The following ESRRG variants were observed in gnomAD, a reference collection of about 807,000 sequenced individuals.
ESRRG encodes the protein estrogen related receptor gamma.
Under a neutral mutation model 44.0 loss-of-function variants are expected in ESRRG, and 13 were observed. That is an observed-to-expected ratio of 0.30 (90% CI 0.19 to 0.47). The LOEUF (loss-of-function observed/expected upper bound fraction) is 0.47, where lower values mean the gene tolerates loss of function less well. Among genes scored for constraint, ESRRG ranks in the 20% least tolerant of loss-of-function variants. The probability of loss-of-function intolerance (pLI) is 1.00; values close to 1 mark genes in which losing one functional copy is unlikely to be tolerated. For missense variants in ESRRG, 395 were observed against 580.6 expected (o/e 0.68, Z 3.29); for synonymous variants, 215 against 214.6 (o/e 1.00, Z -0.02).
intron 2 of ESRRG, among the ~76,000 whole-genome samples, chr1:216,901,135 G>A (rs1467391191): frequency 6.6e-6 from 1 of 152,020 alleles, no homozygotes; most frequent in Admixed American, 6.6e-5. Context: ...TGGGCTGGGA[G>A]AGCCAAAAAC....
chr1:216,702,904 C>A (rs191515705), intron 1 of ESRRG, among the ~76,000 whole-genome samples: 1 of 151,512 alleles, frequency 6.6e-6, no homozygotes, highest in Non-Finnish European at 1.5e-5. Flanking sequence ...AATTCTAATA[C>A]CCTAACAGCA....
chr1:216,951,380 T>C (rs1289714195), intron 1 of ESRRG, among the ~76,000 whole-genome samples: 1 of 152,144 alleles, frequency 6.6e-6, no homozygotes, highest in Non-Finnish European at 1.5e-5. Context: ...ACTGCCAAAA[T>C]GGGCTTTATG....
chr1:216,900,071 C>A lies in ESRRG; in HGVS notation c.-14+39511G>T, dbSNP rs576472258. Among the ~76,000 whole-genome samples the A allele has an allele frequency of 7.2e-5, 11 of 152,296 alleles. No homozygotes were observed. The South Asian group carries it at 2.1e-3, about 29-fold the overall frequency. ...CAGTTTTGTCGTCTCTATATGCTAT[C>A]CAAAGCTGCTTAAGAAATCCAAATT... On this transcript the variant is annotated intron_variant, in intron 2 of 7. Transcript: ENST00000359162.
intron 1 of ESRRG, among the ~76,000 whole-genome samples, chr1:216,952,257 AG>A (rs2067096011): frequency 6.6e-6 from 1 of 152,156 alleles, no homozygotes; most frequent in Non-Finnish European, 1.5e-5. Context: ...TCTTCAGGAA[AG>A]GGTGATTTGT....
At chr1:217,052,421 A>G (rs1444405184) in intron 1 of ESRRG, among the ~76,000 whole-genome samples, 1 of 152,190 alleles carries the variant, frequency 6.6e-6, no homozygotes, top group Non-Finnish European at 1.5e-5. Flanking sequence ...ATCAACATCA[A>G]AAGAATCTCC....
rs542568126 is a variant in ESRRG at position 216,592,752 on chromosome 1, G to A, written c.590-24654C>T. ...TGACCTCAGGTGATCTGTCCACCTCGGCCTCCCAAAGTGCTGGAATTACAG... is the reference window on the plus strand; with the variant it reads ...TGACCTCAGGTGATCTGTCCACCTCAGCCTCCCAAAGTGCTGGAATTACAG... On this transcript the variant is annotated intron_variant, in intron 3 of 6. Transcript: ENST00000408911. Among the ~76,000 whole-genome samples, 5 of 152,126 alleles carry A rather than the reference G, an allele frequency of 3.3e-5. No individual in the cohort carries two copies. The East Asian group carries it at 5.8e-4, about 18-fold the overall frequency.
intron 2 of ESRRG, among the ~76,000 whole-genome samples, chr1:216,803,766 T>C (rs1444784610): frequency 6.6e-6 from 1 of 151,918 alleles, no homozygotes; most frequent in African/African-American, 2.4e-5. Flanking sequence ...CTACTTTATG[T>C]CTTTTTTTTA....
intron 2 of ESRRG, among the ~76,000 whole-genome samples, chr1:216,833,218 C>A (rs2095513718): frequency 7.1e-6 from 1 of 141,738 alleles, no homozygotes; most frequent in Admixed American, 6.8e-5. Flanking sequence ...TGCATATTTT[C>A]TAAAAAAAAA....
chr1:216,977,522 C>T (rs554765233), intron 1 of ESRRG, among the ~76,000 whole-genome samples: 2 of 152,176 alleles, frequency 1.3e-5, no homozygotes, highest in East Asian at 3.9e-4. Context: ...GAAGCTGTAA[C>T]CCTTACTGAA....
At position 216,925,684 on chromosome 1, in the gene ESRRG, C is replaced by T. The variant is rs564503693; in HGVS notation, c.-14+13898G>A. On this transcript the variant is annotated intron_variant, in intron 2 of 7. Transcript: ENST00000359162. The stretch of plus-strand genomic sequence containing the variant: ...GGGTCTGCTCGGCTGGGTGTGGTGG[C>T]TCACTCCTGTAATTCCAGCACTTTG... Among the ~76,000 whole-genome samples the T allele has an allele frequency of 9.2e-5, 14 of 151,888 alleles. No individual in the cohort carries two copies. The East Asian group carries it at 2.5e-3, about 28-fold the overall frequency.
intron 5 of ESRRG, among the ~76,000 whole-genome samples, chr1:216,523,514 T>C (rs1321048119): frequency 1.3e-5 from 2 of 151,634 alleles, no homozygotes; most frequent in African/African-American, 4.8e-5. Flanking sequence ...TTTTTTTTTT[T>C]TTTAGCCTGG....
chr1:216,519,131 T>C, intron 6 of ESRRG, 21 bp downstream of exon 6: 1 of 1,603,964 alleles, frequency 6.2e-7, no homozygotes, highest in South Asian at 1.1e-5. Flanking sequence ...AATGTAACAA[T>C]GACTATGTCA....
At chr1:216,931,153 G>A (rs1560156172) in intron 2 of ESRRG, among the ~76,000 whole-genome samples, 1 of 152,102 alleles carries the variant, frequency 6.6e-6, no homozygotes. Flanking sequence ...TCTAGGAGAA[G>A]GTACATGGAT....
At chr1:216,996,456 TAAC>T (rs1357668598) in intron 1 of ESRRG, among the ~76,000 whole-genome samples, 1 of 151,222 alleles carries the variant, frequency 6.6e-6, no homozygotes, top group Non-Finnish European at 1.5e-5. Flanking sequence ...AAGTGAAAAA[TAAC>T]AGGCAAAAAG....
intron 2 of ESRRG, among the ~76,000 whole-genome samples, chr1:216,830,544 GT>G (rs2095471539): frequency 6.6e-6 from 1 of 152,152 alleles, no homozygotes; most frequent in African/African-American, 2.4e-5. Flanking sequence ...CTTCTAGGAA[GT>G]CTTGTTTATA....
At chr1:216,550,175 A>T (rs1351357879) in intron 5 of ESRRG, among the ~76,000 whole-genome samples, 1 of 152,160 alleles carries the variant, frequency 6.6e-6, no homozygotes, top group Non-Finnish European at 1.5e-5. Context: ...AATGAACTGA[A>T]ATAGTGTTTG....
intron 1 of ESRRG, among the ~76,000 whole-genome samples, chr1:216,717,519 A>AT (rs1260606909): frequency 1.3e-5 from 2 of 151,980 alleles, no homozygotes; most frequent in Non-Finnish European, 3.0e-5. Flanking sequence ...GGTTAGCAGA[A>AT]TTTTTTTAAA....
In ESRRG at chr1:216,779,509, T is replaced by A. The variant is rs1010086583; in HGVS notation, c.-13-102018A>T. Among the ~76,000 whole-genome samples, 46 of 67,102 alleles carry A rather than the reference T, an allele frequency of 6.9e-4. 4 individuals are homozygous for A. The highest frequency in any genetic ancestry group is 9.3e-3 in the Middle Eastern group (1 of 108). 44.0% of individuals were successfully genotyped at this position (67,102 alleles called of 152,430 possible). On this transcript the variant is annotated intron_variant, in intron 2 of 7. Coordinates refer to the ESRRG transcript ENST00000359162. ...AAATATATATTTATATATAAATATA[T>A]ATTTATAAATATAAATATAAATATT...
intron 3 of ESRRG, among the ~76,000 whole-genome samples, chr1:216,612,778 G>T (rs2060850726): frequency 6.6e-6 from 1 of 152,188 alleles, no homozygotes; most frequent in Non-Finnish European, 1.5e-5. Context: ...ATGTTTACCT[G>T]TGAGCCTGCA....
Sources: gnomAD v4.1 joint callset for allele counts (sites outside exome capture counted in the v4.1 genomes callset) on GRCh38, gnomAD v4.1.1 for gene constraint, MANE v1.5 for transcripts, NCBI Gene and HGNC (gene_info 2026-07-23, HGNC 2026-07-21) for gene names.